The following NEB variants were observed in gnomAD, a reference collection of about 807,000 sequenced individuals.
NEB encodes nebulin, also known as nemaline myopathy type 2.
A neutral mutation model predicts 952.2 loss-of-function variants in NEB; 512 were observed. The observed-to-expected ratio is 0.54, with a 90% CI of 0.50 to 0.58. NEB has a LOEUF of 0.58. NEB is among the 20% of genes least tolerant of loss of function. The pLI is 0.00. For synonymous variants in NEB, 2,900 were observed against 3,149.8 expected, an observed-to-expected ratio of 0.92 and a Z score of 2.66; for missense variants, 8,428 against 9,231.1, an observed-to-expected ratio of 0.91 and a Z score of 3.56.
chr2:151,678,680 G>T (rs761071886), intron 32 of NEB, among the ~76,000 whole-genome samples: 2 of 152,084 alleles, frequency 1.3e-5, no homozygotes, highest in Non-Finnish European at 2.9e-5. Context: ...GAGCCAGGAG[G>T]GGGTAAACAC....
At chr2:151,606,005 A>G (rs1384055024) in intron 84 of NEB, among the ~76,000 whole-genome samples, 6 of 98,666 alleles carry the variant, frequency 6.1e-5, no homozygotes, top group Admixed American at 1.4e-4. Flanking sequence ...TTTTTAGTAG[A>G]GATGAGGTTT....
chr2:151,665,306 G>A (rs2099201345), intron 42 of NEB, 27 bp downstream of exon 42: 1 of 1,606,634 alleles, frequency 6.2e-7, no homozygotes, highest in African/African-American at 1.3e-5. Flanking sequence ...AGGGTTCCCT[G>A]GGCGAGGCTG....
chr2:151,697,957 T>A (rs976001333), intron 13 of NEB, among the ~76,000 whole-genome samples: 2 of 152,110 alleles, frequency 1.3e-5, no homozygotes, highest in Non-Finnish European at 2.9e-5. Context: ...TCCCAGCTAC[T>A]TGGGAGGCTG....
intron 84 of NEB, among the ~76,000 whole-genome samples, chr2:151,606,266 T>C (rs1238060367): frequency 1.4e-5 from 1 of 70,060 alleles, no homozygotes; most frequent in African/African-American, 3.3e-5. Flanking sequence ...TATGAAACTA[T>C]CATCTGTGAC....
chr2:151,614,760 G>T (rs1188960288), intron 76 of NEB, among the ~76,000 whole-genome samples, 173 bp from the exon 77 acceptor site: 1 of 152,090 alleles, frequency 6.6e-6, no homozygotes, highest in Non-Finnish European at 1.5e-5. Flanking sequence ...CAGGGGTTGA[G>T]TGATTTGCGC....
rs2097301524 is a variant in NEB at position 151,592,158 on chromosome 2, A to G, written c.14722-20T>C. The G allele has an allele frequency of 6.5e-7, 1 of 1,549,384 alleles. No individual in the cohort carries two copies. Among genetic ancestry groups the G allele is most frequent in the Admixed American group, 2.0e-5 (1 of 50,990 alleles). On this transcript the variant is annotated intron_variant, in intron 94 of 181. Coordinates refer to ENST00000397345, the MANE Select transcript of NEB (RefSeq NM_001164508.2). ...CAATGGCTGGGAAAAATGAAAAACG[A>G]TGGAATGGTCAATTAGTAAATAAGT...
chr2:151,633,571 G>A, intron 65 of NEB, 83 bp downstream of exon 65: 1 of 1,484,040 alleles, frequency 6.7e-7, no homozygotes. Context: ...CTTAACTTGA[G>A]TAATGGATTG....
chr2:151,529,118 C>T, intron 146 of NEB, 92 bp downstream of exon 146: 2 of 823,708 alleles, frequency 2.4e-6, no homozygotes, highest in South Asian at 1.5e-5. Context: ...ATCACTAGAG[C>T]TGAATTGCCT....
intron 137 of NEB, 22 bp downstream of exon 137, chr2:151,540,675 C>T: frequency 6.3e-7 from 1 of 1,594,068 alleles, no homozygotes; most frequent in Non-Finnish European, 8.6e-7. Context: ...CCCAGTGCCT[C>T]AGTGCTGAAT....
chr2:151,568,599 A>G lies in NEB; in HGVS notation c.17634+19T>C. Reference sequence around the variant, plus strand: ...GATATCTGCATCACTGTGAGATTTTAAAACAGCCATATACTTACATCATCG... The same window carrying G: ...GATATCTGCATCACTGTGAGATTTTGAAACAGCCATATACTTACATCATCG... On this transcript the variant is annotated intron_variant, in intron 111 of 181. Coordinates refer to ENST00000397345, the MANE Select transcript of NEB (RefSeq NM_001164508.2). 1 of 1,577,724 alleles carries G rather than the reference A, an allele frequency of 6.3e-7. No individual in the cohort carries two copies.
At position 151,690,377 on chromosome 2, in the gene NEB, C is replaced by T. The variant is rs182039023; in HGVS notation, c.2310+350G>A. On this transcript the variant is annotated intron_variant, in intron 24 of 181. Coordinates refer to ENST00000397345, the MANE Select transcript of NEB (RefSeq NM_001164508.2). ...AATCTTTGTTAGCAAATTCAAGAATCGGAAATATTTGCCTTGTCCTACACA... is the reference window on the plus strand; with the variant it reads ...AATCTTTGTTAGCAAATTCAAGAATTGGAAATATTTGCCTTGTCCTACACA... 9.6e-5 allele frequency: 19 copies of T among 198,348 alleles called. No individual in the cohort carries two copies. The Middle Eastern group carries it at 8.9e-3, about 93-fold the overall frequency. 12.3% of individuals were successfully genotyped at this position (198,348 alleles called of 1,614,324 possible). A position where few individuals can be genotyped will look rare whatever the true frequency, so the allele number is the denominator to read the frequency against.
intron 146 of NEB, 107 bp downstream of exon 146, chr2:151,529,103 A>T: frequency 1.3e-6 from 1 of 760,944 alleles, no homozygotes; most frequent in Non-Finnish European, 2.3e-6. Flanking sequence ...CTTGCTTTGG[A>T]ATCAATCACT....
chr2:151,557,100 A>G (rs534711644), intron 124 of NEB, among the ~76,000 whole-genome samples: 1 of 152,296 alleles, frequency 6.6e-6, no homozygotes, highest in South Asian at 2.1e-4. Context: ...GAAAAGATCA[A>G]CAAAATAGAT....
At chr2:151,618,516 G>C (rs749224510) in intron 73 of NEB, 38 bp from the exon 74 acceptor site, 4 of 1,571,266 alleles carry the variant, frequency 2.5e-6, no homozygotes, top group South Asian at 1.1e-5. Flanking sequence ...TTATTAATTA[G>C]TGTTTCAGAT....
At chr2:151,609,198 TAAAAGAAAAAA>T (rs1418570909) in intron 81 of NEB, among the ~76,000 whole-genome samples, 2 of 133,372 alleles carry the variant, frequency 1.5e-5, no homozygotes, top group Admixed American at 1.7e-4. Flanking sequence ...CATTTCAAAA[TAAAAGAAAAAA>T]AAAAGGAAAA....
At position 151,498,358 on chromosome 2, in the gene NEB, T is replaced by A; in HGVS notation, c.24115-6A>T. On this transcript the variant is annotated splice_polypyrimidine_tract_variant and splice_region_variant and intron_variant, in intron 169 of 181. Transcript: ENST00000397345. ...AGGTTTTCTTTGTATAGCACCTGTATGATGAGAAAGCATCCAGAACAAAAA... is the reference window on the plus strand; with the variant it reads ...AGGTTTTCTTTGTATAGCACCTGTAAGATGAGAAAGCATCCAGAACAAAAA... 6.5e-7 allele frequency: 1 copy of A among 1,537,806 alleles called. No individual in the cohort carries two copies. The highest frequency in any genetic ancestry group is 8.8e-7 in the Non-Finnish European group (1 of 1,137,116).
chr2:151,730,799 G>A (rs1472919176), intron 3 of NEB, among the ~76,000 whole-genome samples: 1 of 152,108 alleles, frequency 6.6e-6, no homozygotes, highest in Non-Finnish European at 1.5e-5. Context: ...TAGGCCGCCT[G>A]TGCTATTTCA....
At chr2:151,626,888 C>G (rs538704145) in intron 70 of NEB, 114 bp downstream of exon 70, 2 of 1,296,460 alleles carry the variant, frequency 1.5e-6, no homozygotes, top group East Asian at 2.4e-5. Flanking sequence ...AACTGAATCA[C>G]TATACATTGG....
intron 24 of NEB, chr2:151,689,560 T>C (rs1253475321): frequency 6.6e-6 from 1 of 152,162 alleles, no homozygotes; most frequent in African/African-American, 2.4e-5. Flanking sequence ...TTTTAAAAGG[T>C]GACGTTAGGT....
Sources: allele counts gnomAD v4.1 joint callset (sites outside exome capture counted in the v4.1 genomes callset), GRCh38; gene constraint gnomAD v4.1.1; transcripts MANE v1.5; gene names NCBI Gene and HGNC (gene_info 2026-07-23, HGNC 2026-07-21).